Variants in E2F3 observed in about 807,000 individuals in gnomAD.
The protein encoded by E2F3 is transcription factor E2F3.
Under a neutral mutation model 44.4 loss-of-function variants are expected in E2F3, and 11 were observed. The observed-to-expected ratio is 0.25, with a 90% CI of 0.16 to 0.41. The LOEUF is 0.41. Among genes scored for constraint, E2F3 ranks in the 10% least tolerant of loss-of-function variants. The probability of loss-of-function intolerance (pLI) is 1.00; values close to 1 mark genes in which losing one functional copy is unlikely to be tolerated. For missense variants in E2F3, 487 were observed against 583.6 expected, an observed-to-expected ratio of 0.83 and a Z score of 1.70; for synonymous variants, 249 against 253.0, an observed-to-expected ratio of 0.98 and a Z score of 0.15.
chr6:20,406,848 T>C (rs1045282501), intron 1 of E2F3, among the ~76,000 whole-genome samples: 3 of 152,158 alleles, frequency 2.0e-5, no homozygotes, highest in Admixed American at 6.5e-5. Context: ...TGGTGAACTG[T>C]TGGAAATGTA....
rs1320530650 is a variant in E2F3, at chr6:20,472,068, A to ACACT, written c.394-7777_394-7776insACTC. ...CACACACACACACACACACACACAC[A>ACACT]CTCACATCTATCCCTTCTGCAGGTT... On this transcript the variant is annotated intron_variant, in intron 1 of 6. Coordinates refer to ENST00000346618, the MANE Select transcript of E2F3 (RefSeq NM_001949.5). 1.9e-4 allele frequency among the ~76,000 whole-genome samples: 28 copies of ACACT among 147,628 alleles called. 1 individual carries two copies. In the South Asian group the frequency reaches 4.8e-3, roughly 25 times the overall value.
chr6:20,432,180 T>C (rs150621328), intron 1 of E2F3, among the ~76,000 whole-genome samples: 2 of 152,374 alleles, frequency 1.3e-5, no homozygotes, highest in Non-Finnish European at 2.9e-5. Context: ...AAAAATCTGA[T>C]TTAGAATACA....
chr6:20,411,517 G>A (rs974186947), intron 1 of E2F3, among the ~76,000 whole-genome samples: 27 of 152,138 alleles, frequency 1.8e-4, no homozygotes, highest in African/African-American at 5.1e-4. Context: ...GCTGCTTCCC[G>A]GACTTACCAA....
At position 20,455,408 on chromosome 6, in the gene E2F3, C is replaced by G. The variant is rs1334543600; in HGVS notation, c.394-24438C>G. 2.0e-5 allele frequency among the ~76,000 whole-genome samples: 3 copies of G among 152,176 alleles called. No individual in the cohort carries two copies. The South Asian group carries it at 6.2e-4, about 31-fold the overall frequency. ...TGCATTTAGCAGATTGATTCCAACC[C>G]TCTTTGGAGACTCTGACCTACAAAA... On this transcript the variant is annotated intron_variant, in intron 1 of 6. Transcript: ENST00000346618.
chr6:20,479,615 C>T (rs1762155161), intron 1 of E2F3, among the ~76,000 whole-genome samples: 1 of 152,220 alleles, frequency 6.6e-6, no homozygotes, highest in Admixed American at 6.5e-5. Flanking sequence ...CTGTGTTTGT[C>T]CATCTGGGTG....
chr6:20,475,366 G>A (rs1026239126), intron 1 of E2F3, among the ~76,000 whole-genome samples: 1 of 152,290 alleles, frequency 6.6e-6, no homozygotes, highest in African/African-American at 2.4e-5. Context: ...CCTCATGGCA[G>A]TCTGAAACAG....
At chr6:20,450,939 G>A (rs1761110132) in intron 1 of E2F3, among the ~76,000 whole-genome samples, 1 of 152,134 alleles carries the variant, frequency 6.6e-6, no homozygotes, top group African/African-American at 2.4e-5. Context: ...TATGGTTGTA[G>A]GTGTGCGGCC....
chr6:20,420,114 TTGC>T (rs1759975362), intron 1 of E2F3, among the ~76,000 whole-genome samples: 1 of 152,178 alleles, frequency 6.6e-6, no homozygotes, highest in East Asian at 1.9e-4. Flanking sequence ...TTTTAAATTA[TTGC>T]TGCTGCTACC....
intron 1 of E2F3, among the ~76,000 whole-genome samples, chr6:20,432,299 A>G (rs1760431160): frequency 1.3e-5 from 2 of 152,214 alleles, no homozygotes; most frequent in African/African-American, 2.4e-5. Context: ...GTCTGTGAAC[A>G]TGGAGGCCAT....
At chr6:20,425,049 G>C (rs1369292066) in intron 1 of E2F3, among the ~76,000 whole-genome samples, 1 of 152,216 alleles carries the variant, frequency 6.6e-6, no homozygotes, top group Non-Finnish European at 1.5e-5. Flanking sequence ...TTACAGAGTA[G>C]AGTGTTTATT....
chr6:20,478,048 A>T (rs1207184459), intron 1 of E2F3, among the ~76,000 whole-genome samples: 2 of 151,976 alleles, frequency 1.3e-5, no homozygotes, highest in Admixed American at 6.6e-5. Flanking sequence ...AAAAAATTTA[A>T]ATTAGCCAGA....
rs575132721 is a variant in E2F3, at chr6:20,491,009, G to T, written c.*579G>T. The T allele has an allele frequency of 4.4e-6, 1 of 228,944 alleles. No homozygotes were observed. The highest frequency in any genetic ancestry group is 8.7e-6 in the Non-Finnish European group (1 of 115,174). 14.2% of individuals were successfully genotyped at this position (228,944 alleles called of 1,614,324 possible). ...TAATTCAGTTTAAGCTATGAACTGT[G>T]TGTCCCAGTAGGAGGTCAAGAAAAC... On this transcript the variant is annotated 3_prime_UTR_variant, in exon 7 of 7. Coordinates refer to ENST00000346618, the MANE Select transcript of E2F3 (RefSeq NM_001949.5).
Position 20,492,512 on chromosome 6 carries a change from C to A in E2F3, c.*2082C>A. 4.3e-6 allele frequency: 1 copy of A among 233,356 alleles called. No homozygotes were observed. The highest frequency in any genetic ancestry group is 8.5e-6 in the Non-Finnish European group (1 of 117,792). 14.5% of individuals were successfully genotyped at this position (233,356 alleles called of 1,614,324 possible). ...TGTATGGGAAACCATTTATGCCAAG[C>A]TTTTCCCCATTTCCCATATTTATCT... On this transcript the variant is annotated 3_prime_UTR_variant, in exon 7 of 7. Transcript: ENST00000346618.
At chr6:20,457,612 A>G (rs57811653) in intron 1 of E2F3, among the ~76,000 whole-genome samples, 2 of 152,110 alleles carry the variant, frequency 1.3e-5, no homozygotes, top group African/African-American at 4.8e-5. Context: ...AAACACTCAT[A>G]AAAAGGAGAC....
intron 1 of E2F3, among the ~76,000 whole-genome samples, chr6:20,426,135 C>G (rs1283825321): frequency 6.6e-6 from 1 of 152,146 alleles, no homozygotes; most frequent in Non-Finnish European, 1.5e-5. Flanking sequence ...AATACTACAC[C>G]AGAATATAAA....
At chr6:20,477,306 T>C (rs1248793635) in intron 1 of E2F3, among the ~76,000 whole-genome samples, 3 of 152,150 alleles carry the variant, frequency 2.0e-5, no homozygotes, top group Non-Finnish European at 2.9e-5. Flanking sequence ...ACATAAACAG[T>C]CATTAACACA....
intron 1 of E2F3, among the ~76,000 whole-genome samples, chr6:20,428,080 G>T (rs984113642): frequency 6.6e-6 from 1 of 152,168 alleles, no homozygotes; most frequent in Non-Finnish European, 1.5e-5. Flanking sequence ...TGAAACTAAG[G>T]TCACAGACAT....
At chr6:20,457,596 G>A (rs12175025) in intron 1 of E2F3, among the ~76,000 whole-genome samples, 20,481 of 151,992 alleles carry the variant, frequency 0.13, 1,826 homozygotes, top group East Asian at 0.42. Context: ...AAGTGGGTAA[G>A]AAAATAAACA....
intron 1 of E2F3, among the ~76,000 whole-genome samples, chr6:20,415,025 C>G (rs754294261): frequency 1.2e-4 from 18 of 152,192 alleles, no homozygotes. Context: ...CCTCCCCCCG[C>G]CACTCCCCGT....
Sources: allele counts gnomAD v4.1 joint callset (sites outside exome capture counted in the v4.1 genomes callset), GRCh38; gene constraint gnomAD v4.1.1; transcripts MANE v1.5; gene names NCBI Gene and HGNC (gene_info 2026-07-23, HGNC 2026-07-21).